Variants in TMEM117 observed in about 807,000 individuals in gnomAD.
TMEM117 encodes the protein transmembrane protein 117.
TMEM117 carries 27 observed loss-of-function variants against 52.4 expected under a neutral mutation model. The ratio of observed to expected loss-of-function variants is 0.51; its 90% CI spans 0.38 to 0.71. The LOEUF (loss-of-function observed/expected upper bound fraction) is 0.71, where lower values mean the gene tolerates loss of function less well. Among genes scored for constraint, TMEM117 ranks in the 30% least tolerant of loss-of-function variants. The pLI is 0.00. For missense variants in TMEM117, 556 were observed against 630.5 expected, an observed-to-expected ratio of 0.88 and a Z score of 1.26; for synonymous variants, 215 against 206.3, an observed-to-expected ratio of 1.04 and a Z score of -0.36.
intron 6 of TMEM117, among the ~76,000 whole-genome samples, chr12:44,351,417 C>A (rs1951560401): frequency 6.6e-6 from 1 of 151,850 alleles, no homozygotes. Context: ...GGGTATTGCT[C>A]AAGAAAATTT....
chr12:44,319,565 A>G (rs1302310422), intron 6 of TMEM117, among the ~76,000 whole-genome samples: 2 of 152,194 alleles, frequency 1.3e-5, no homozygotes, highest in Non-Finnish European at 2.9e-5. Flanking sequence ...ATTAAAATTC[A>G]TGCATTTGAA....
chr12:43,977,296 G>C (rs1592409043), intron 3 of TMEM117, among the ~76,000 whole-genome samples: 1 of 152,118 alleles, frequency 6.6e-6, no homozygotes, highest in African/African-American at 2.4e-5. Context: ...ATCCAAGGAA[G>C]CTGCATCATC....
At chr12:43,972,755 A>G (rs1945611965) in intron 3 of TMEM117, among the ~76,000 whole-genome samples, 1 of 152,194 alleles carries the variant, frequency 6.6e-6, no homozygotes. Flanking sequence ...GTGTTTTTAC[A>G]GAGCACAGAT....
intron 4 of TMEM117, among the ~76,000 whole-genome samples, chr12:44,172,764 AC>A (rs1212727085): frequency 6.6e-6 from 1 of 152,052 alleles, no homozygotes; most frequent in African/African-American, 2.4e-5. Context: ...TCGCTGTGTC[AC>A]CCAGGCTGGA....
chr12:43,864,454 AAC>A (rs1943548034), intron 2 of TMEM117, among the ~76,000 whole-genome samples: 1 of 152,182 alleles, frequency 6.6e-6, no homozygotes. Flanking sequence ...AAGGTTTGTA[AAC>A]ACACCAATCA....
chr12:44,152,189 A>C (rs1387776579), intron 4 of TMEM117, among the ~76,000 whole-genome samples: 2 of 109,418 alleles, frequency 1.8e-5, no homozygotes, highest in African/African-American at 3.8e-5. Flanking sequence ...TTTATAAAAT[A>C]TATATAAATA....
intron 3 of TMEM117, among the ~76,000 whole-genome samples, chr12:43,976,159 C>G (rs75539343): frequency 1.3e-5 from 2 of 152,172 alleles, no homozygotes; most frequent in African/African-American, 2.4e-5. Flanking sequence ...CACTTCTAGT[C>G]GACTGGAGGC....
intron 5 of TMEM117, among the ~76,000 whole-genome samples, chr12:44,269,549 C>T (rs1950421268): frequency 6.6e-6 from 1 of 151,388 alleles, no homozygotes; most frequent in Non-Finnish European, 1.5e-5. Flanking sequence ...CTCCATGTTT[C>T]TCTCTACCTC....
chr12:43,885,939 A>G (rs1052180647), intron 2 of TMEM117, among the ~76,000 whole-genome samples: 3 of 152,234 alleles, frequency 2.0e-5, no homozygotes, highest in African/African-American at 7.2e-5. Context: ...ACTATGAAAC[A>G]GTATGTTGAG....
chr12:44,048,865 T>C (rs1387415490), intron 3 of TMEM117, among the ~76,000 whole-genome samples: 2 of 152,226 alleles, frequency 1.3e-5, no homozygotes, highest in African/African-American at 2.4e-5. Flanking sequence ...TTTGGAAATA[T>C]AGTATTATAA....
intron 3 of TMEM117, among the ~76,000 whole-genome samples, chr12:43,995,470 C>T (rs1022098000): frequency 3.9e-5 from 6 of 152,288 alleles, no homozygotes; most frequent in Admixed American, 6.5e-5. Flanking sequence ...GGAACTCTCT[C>T]TCCATACTCT....
intron 2 of TMEM117, among the ~76,000 whole-genome samples, chr12:43,921,756 A>G (rs1944698055): frequency 6.6e-6 from 1 of 152,046 alleles, no homozygotes; most frequent in Non-Finnish European, 1.5e-5. Flanking sequence ...GGGAAGGAAA[A>G]GTTTTTATGT....
intron 5 of TMEM117, among the ~76,000 whole-genome samples, chr12:44,257,298 AT>A: frequency 6.6e-6 from 1 of 151,776 alleles, no homozygotes; most frequent in South Asian, 2.1e-4. Flanking sequence ...CCATTTGCTG[AT>A]TCTTCTCACC....
intron 3 of TMEM117, among the ~76,000 whole-genome samples, chr12:43,951,647 G>T (rs951986481): frequency 3.3e-5 from 5 of 152,266 alleles, no homozygotes; most frequent in Non-Finnish European, 7.4e-5. Flanking sequence ...TCATCTCCCT[G>T]GGACAGAGCA....
intron 5 of TMEM117, among the ~76,000 whole-genome samples, chr12:44,224,516 CCTT>C (rs891666839): frequency 2.2e-4 from 34 of 151,482 alleles, no homozygotes; most frequent in African/African-American, 8.2e-4. Flanking sequence ...TTCTTCTTCT[CCTT>C]CTCCTCCTTC....
intron 5 of TMEM117, among the ~76,000 whole-genome samples, chr12:44,290,315 C>A (rs538574198): frequency 1.3e-5 from 2 of 152,090 alleles, no homozygotes; most frequent in African/African-American, 4.8e-5. Flanking sequence ...TGTCAAGGAG[C>A]TTTTTCCCTG....
intron 5 of TMEM117, among the ~76,000 whole-genome samples, chr12:44,271,433 C>T (rs1950444395): frequency 6.6e-6 from 1 of 151,694 alleles, no homozygotes; most frequent in Non-Finnish European, 1.5e-5. Flanking sequence ...AATAGGGAGC[C>T]CAGAAAGAAA....
rs555140946 is a variant in TMEM117, at chr12:44,256,448, A to C, written c.609-43132A>C. Among the ~76,000 whole-genome samples the C allele has an allele frequency of 1.2e-4, 18 of 152,200 alleles. No individual in the cohort carries two copies. The South Asian group carries it at 3.7e-3, about 32-fold the overall frequency. ...TTTCAATAAAGTTAAATTCCATTTC[A>C]GGTTTCATCTCATTATTTATAATTT... is the stretch of plus-strand genomic sequence containing the variant. On this transcript the variant is annotated intron_variant, in intron 5 of 7. Transcript: ENST00000266534.
chr12:44,244,299 T>A (rs1950101501), intron 5 of TMEM117: 1 of 152,078 alleles, frequency 6.6e-6, no homozygotes, highest in Non-Finnish European at 1.5e-5. Flanking sequence ...TTTTGTCTTC[T>A]TGATAATAGC....
Sources: allele counts gnomAD v4.1 joint callset (sites outside exome capture counted in the v4.1 genomes callset), GRCh38; gene constraint gnomAD v4.1.1; transcripts MANE v1.5; gene names NCBI Gene and HGNC (gene_info 2026-07-23, HGNC 2026-07-21).